Variants in NKAIN3 observed in about 807,000 individuals in gnomAD.
NKAIN3 encodes sodium/potassium-transporting ATPase subunit beta-1-interacting protein 3.
In NKAIN3, 25 loss-of-function variants were observed where a neutral mutation model predicts 30.2. The ratio of observed to expected loss-of-function variants is 0.83; its 90% CI spans 0.60 to 1.16. The LOEUF (loss-of-function observed/expected upper bound fraction) is 1.16, where lower values mean the gene tolerates loss of function less well. Among genes scored for constraint, NKAIN3 ranks in the 50% most tolerant of loss-of-function variants. NKAIN3 has a pLI of 0.00. For missense variants in NKAIN3, 225 were observed against 254.1 expected (o/e 0.89, Z 0.78); for synonymous variants, 91 against 89.6 (o/e 1.02, Z -0.09).
intron 1 of NKAIN3, among the ~76,000 whole-genome samples, chr8:62,539,766 A>C (rs1808781588): frequency 6.6e-6 from 1 of 152,078 alleles, no homozygotes; most frequent in Admixed American, 6.6e-5. Flanking sequence ...ATTTTAGTAG[A>C]GACAAGGTAT....
At chr8:62,815,311 T>C (rs898678475) in intron 4 of NKAIN3, among the ~76,000 whole-genome samples, 3 of 152,096 alleles carry the variant, frequency 2.0e-5, no homozygotes, top group African/African-American at 4.8e-5. Flanking sequence ...ACTGGTACCA[T>C]TCCTTCTGAA....
chr8:62,774,083 A>T (rs1019547797), intron 4 of NKAIN3, among the ~76,000 whole-genome samples: 4 of 152,206 alleles, frequency 2.6e-5, no homozygotes, highest in African/African-American at 9.6e-5. Flanking sequence ...AATTTTATGC[A>T]TCAGTGTTTC....
intron 4 of NKAIN3, among the ~76,000 whole-genome samples, chr8:62,883,929 T>C (rs942460358): frequency 6.6e-6 from 1 of 152,168 alleles, no homozygotes; most frequent in African/African-American, 2.4e-5. Context: ...TAAATGGGTA[T>C]TGGATTTTGT....
At chr8:62,795,011 GACC>G (rs1817818655) in intron 4 of NKAIN3, among the ~76,000 whole-genome samples, 1 of 152,030 alleles carries the variant, frequency 6.6e-6, no homozygotes, top group South Asian at 2.1e-4. Flanking sequence ...TGGTGCCAGT[GACC>G]ACAATTTGAC....
At chr8:62,798,062 G>C (rs971487978) in intron 4 of NKAIN3, among the ~76,000 whole-genome samples, 1 of 152,118 alleles carries the variant, frequency 6.6e-6, no homozygotes, top group African/African-American at 2.4e-5. Flanking sequence ...TGAAAACTGA[G>C]ACACATGAAG....
At position 62,766,093 on chromosome 8, in the gene NKAIN3, C is replaced by T. The variant is rs954173239; in HGVS notation, c.471+18964C>T. ...GCCTAGCACTAAACCGGGTAGATTCCGTATCTCAATATAACAGATATAAAA... is the reference window on the plus strand; with the variant it reads ...GCCTAGCACTAAACCGGGTAGATTCTGTATCTCAATATAACAGATATAAAA... On this transcript the variant is annotated intron_variant, in intron 4 of 6. Transcript: ENST00000623646. Among the ~76,000 whole-genome samples the T allele has an allele frequency of 4.6e-5, 7 of 151,972 alleles. No homozygotes were observed. In the East Asian group the frequency reaches 9.6e-4, roughly 21 times the overall value.
chr8:62,425,156 A>G (rs1804769763), intron 1 of NKAIN3, among the ~76,000 whole-genome samples: 1 of 151,832 alleles, frequency 6.6e-6, no homozygotes, highest in Admixed American at 6.6e-5. Flanking sequence ...TTGCTATTCA[A>G]CAGGTATAAA....
In NKAIN3 at chr8:62,249,145, C is replaced by A. The variant is rs368332166; in HGVS notation, c.54+18C>A. 46 of 1,529,310 alleles carry A rather than the reference C, an allele frequency of 3.0e-5. No homozygotes were observed. The South Asian group carries it at 5.1e-4, about 17-fold the overall frequency. The allele number at this position is 1,529,310 out of a possible 1,614,324, so 94.7% of individuals were successfully genotyped here. A position where few individuals can be genotyped will look rare whatever the true frequency, so the allele number is the denominator to read the frequency against. On this transcript the variant is annotated intron_variant, in intron 1 of 6. Coordinates refer to ENST00000623646, the MANE Select transcript of NKAIN3 (RefSeq NM_001304533.3). The stretch of plus-strand genomic sequence containing the variant: ...TGCAGTTGGTGAGTGCCCCGAGGGC[C>A]CCTGCCCCAGGACAGGTCCCTGCTC...
intron 1 of NKAIN3, among the ~76,000 whole-genome samples, chr8:62,426,230 G>C (rs545863693): frequency 3.3e-5 from 5 of 152,018 alleles, no homozygotes; most frequent in African/African-American, 1.2e-4. Flanking sequence ...AATTACCTTA[G>C]TTTTCAATTT....
chr8:62,810,052 A>C (rs1353245163), intron 4 of NKAIN3, among the ~76,000 whole-genome samples: 1 of 152,160 alleles, frequency 6.6e-6, no homozygotes. Flanking sequence ...TCAGACCTTG[A>C]AGCCCCAACA....
intron 1 of NKAIN3, among the ~76,000 whole-genome samples, chr8:62,259,750 G>A (rs999879813): frequency 2.6e-5 from 4 of 152,124 alleles, no homozygotes; most frequent in Non-Finnish European, 2.9e-5. Flanking sequence ...AGATGAAGGC[G>A]TTGACTTAAG....
intron 1 of NKAIN3, among the ~76,000 whole-genome samples, chr8:62,445,751 T>C (rs191781852): frequency 6.6e-6 from 1 of 152,286 alleles, no homozygotes; most frequent in Admixed American, 6.5e-5. Context: ...GGTTTTCTCT[T>C]ACCCCATCAA....
At chr8:62,270,085 T>G (rs899713630) in intron 1 of NKAIN3, among the ~76,000 whole-genome samples, 2 of 152,082 alleles carry the variant, frequency 1.3e-5, no homozygotes, top group African/African-American at 4.8e-5. Flanking sequence ...ATCACAGAGT[T>G]TTGTTTGTTT....
intron 1 of NKAIN3, among the ~76,000 whole-genome samples, chr8:62,523,179 A>G (rs1808207599): frequency 6.6e-6 from 1 of 152,140 alleles, no homozygotes; most frequent in African/African-American, 2.4e-5. Flanking sequence ...ACAATTTCCT[A>G]GAGTATTCAG....
intron 3 of NKAIN3, among the ~76,000 whole-genome samples, chr8:62,672,979 T>C (rs1252463103): frequency 7.2e-5 from 11 of 152,226 alleles, no homozygotes; most frequent in African/African-American, 2.7e-4. Flanking sequence ...CCAACTGGTT[T>C]ACTGGTCATA....
intron 4 of NKAIN3, among the ~76,000 whole-genome samples, chr8:62,845,607 C>T (rs1313818266): frequency 6.6e-6 from 1 of 151,890 alleles, no homozygotes; most frequent in African/African-American, 2.4e-5. Flanking sequence ...TCACAGTTAT[C>T]CCAGAAGATG....
At chr8:62,663,831 T>C (rs766837881) in intron 3 of NKAIN3, among the ~76,000 whole-genome samples, 10 of 152,184 alleles carry the variant, frequency 6.6e-5, no homozygotes, top group Non-Finnish European at 1.5e-4. Context: ...AAAGCAACAG[T>C]GCGTGATGCC....
chr8:62,986,957 C>T (rs1012780294), downstream of NKAIN3, among the ~76,000 whole-genome samples: 1 of 152,200 alleles, frequency 6.6e-6, no homozygotes, highest in African/African-American at 2.4e-5. Flanking sequence ...CTTATCTAAA[C>T]ATTGCCCCTG....
At chr8:62,768,186 A>G (rs1388012138) in intron 4 of NKAIN3, among the ~76,000 whole-genome samples, 1 of 152,122 alleles carries the variant, frequency 6.6e-6, no homozygotes, top group East Asian at 1.9e-4. Context: ...ATCACTTTGG[A>G]ACTTCCATCT....
Sources: gnomAD v4.1 joint callset for allele counts (sites outside exome capture counted in the v4.1 genomes callset) on GRCh38, gnomAD v4.1.1 for gene constraint, MANE v1.5 for transcripts, NCBI Gene and HGNC (gene_info 2026-07-23, HGNC 2026-07-21) for gene names.